RIPOR2: variants seen among roughly 807,000 people sequenced by gnomAD.
RIPOR2 encodes RHO family interacting cell polarization regulator 2, also known as rho family-interacting cell polarization regulator 2.
RIPOR2 carries 39 observed loss-of-function variants against 114.5 expected under a neutral mutation model. That is an observed-to-expected ratio of 0.34 (90% confidence interval 0.26 to 0.44). The LOEUF is 0.44. RIPOR2 is among the 20% of genes least tolerant of loss of function. RIPOR2 has a pLI of 1.00. For synonymous variants in RIPOR2, 445 were observed against 484.4 expected, an observed-to-expected ratio of 0.92 and a Z score of 1.07; for missense variants, 1,007 against 1,255.1, an observed-to-expected ratio of 0.80 and a Z score of 2.99.
intron 1 of RIPOR2, among the ~76,000 whole-genome samples, chr6:24,967,249 T>C (rs1773567669): frequency 6.6e-6 from 1 of 152,244 alleles, no homozygotes; most frequent in African/African-American, 2.4e-5. Flanking sequence ...GAGCTCATTT[T>C]CACAGGACTC....
intron 6 of RIPOR2, among the ~76,000 whole-genome samples, chr6:24,866,817 A>G (rs59598828): frequency 0.036 from 5,412 of 152,254 alleles, 251 homozygotes; most frequent in African/African-American, 0.11. Context: ...GGGGAGGCAT[A>G]CTTACCTAGC....
intron 1 of RIPOR2, among the ~76,000 whole-genome samples, chr6:24,971,914 T>C (rs1401322467): frequency 3.9e-5 from 6 of 152,306 alleles, no homozygotes; most frequent in Middle Eastern, 3.4e-3. Flanking sequence ...AGGAGAGTAA[T>C]TGTACCTACT....
chr6:24,982,990 T>C (rs1264570621), intron 1 of RIPOR2, among the ~76,000 whole-genome samples: 1 of 152,186 alleles, frequency 6.6e-6, no homozygotes, highest in East Asian at 1.9e-4. Context: ...TAGGTTATTT[T>C]AATGTGAATT....
rs1195593933 is a variant in RIPOR2 at position 24,839,082 on chromosome 6, C to T, written c.2039+9G>A. 1 of 1,549,086 alleles carries T rather than the reference C, an allele frequency of 6.5e-7. No individual in the cohort carries two copies. Among genetic ancestry groups the T allele is most frequent in the Non-Finnish European group, 8.7e-7 (1 of 1,144,966 alleles). On this transcript the variant is annotated intron_variant, in intron 14 of 21. Transcript: ENST00000643898. ...GAGAAATATAAGGAGACACTAACTTCAGACTTACCTGTGTTTCTCAGTCTC... is the reference window on the plus strand; with the variant it reads ...GAGAAATATAAGGAGACACTAACTTTAGACTTACCTGTGTTTCTCAGTCTC...
intron 1 of RIPOR2, among the ~76,000 whole-genome samples, chr6:25,027,066 A>G (rs1298237746): frequency 6.6e-6 from 1 of 152,254 alleles, no homozygotes; most frequent in Non-Finnish European, 1.5e-5. Flanking sequence ...TCCTATAAGT[A>G]GCTGTTCCAA....
intron 1 of RIPOR2, chr6:24,976,704 T>G (rs1398893207): frequency 5.3e-5 from 85 of 1,608,822 alleles, no homozygotes; most frequent in Non-Finnish European, 6.6e-5. Flanking sequence ...ATAATGGCAC[T>G]GGTGGCAAGT....
rs769976434 is a variant in RIPOR2 at position 24,843,264 on chromosome 6, C to T, written c.1455G>A (p.Glu485=). 6.2e-7 allele frequency: 1 copy of T among 1,614,016 alleles called. No individual in the cohort carries two copies. The highest frequency in any genetic ancestry group is 8.5e-7 in the Non-Finnish European group (1 of 1,179,888). ...PKSHLKEEDP[E]EPRKPASAPS... is the part of the protein sequence containing the mutation. ...GGGCCGAGGCAGGTTTTCTGGGCTC[C>T]TCTGGGTCTTCCTCCTTCAGGTGTG... The change falls in exon 13 of 22, where the codon GAG becomes GAA. Residue 485 remains glutamate (E), a synonymous_variant. Transcript: ENST00000643898.
chr6:24,971,716 A>G (rs1161170214), intron 1 of RIPOR2, among the ~76,000 whole-genome samples: 1 of 152,242 alleles, frequency 6.6e-6, no homozygotes, highest in Non-Finnish European at 1.5e-5. Flanking sequence ...AGCTAGATGG[A>G]ACCATGAAGG....
chr6:24,919,891 T>C (rs1192977094), intron 1 of RIPOR2, among the ~76,000 whole-genome samples: 1 of 152,196 alleles, frequency 6.6e-6, no homozygotes, highest in African/African-American at 2.4e-5. Context: ...GTAGATACTA[T>C]TCGACTCAAG....
rs117805858 is a variant in RIPOR2 at position 25,000,275 on chromosome 6, G to A, written c.76+41576C>T. On this transcript the variant is annotated intron_variant, in intron 1 of 13. Coordinates refer to the RIPOR2 transcript ENST00000510784. The stretch of plus-strand genomic sequence containing the variant: ...GTCAGGAAGTTTGGGCATCCTTCAT[G>A]TTAGCTCTGTAGCACTCCATGCTGA... Among the ~76,000 whole-genome samples the A allele has an allele frequency of 1.3e-3, 202 of 152,256 alleles. 3 individuals are homozygous for A. The East Asian group carries it at 0.034, about 25-fold the overall frequency.
At chr6:25,006,339 G>T (rs1775562021) in intron 1 of RIPOR2, among the ~76,000 whole-genome samples, 2 of 152,274 alleles carry the variant, frequency 1.3e-5, no homozygotes, top group African/African-American at 4.8e-5. Context: ...ACAAAAAATG[G>T]CATGGCCTCT....
intron 1 of RIPOR2, among the ~76,000 whole-genome samples, chr6:24,983,059 T>C (rs527340637): frequency 1.4e-4 from 22 of 152,296 alleles, no homozygotes; most frequent in African/African-American, 4.8e-4. Context: ...TGCTTGTAAC[T>C]GCTGCTAATT....
intron 1 of RIPOR2, among the ~76,000 whole-genome samples, chr6:24,974,086 G>A (rs1488302092): frequency 2.6e-5 from 4 of 152,108 alleles, no homozygotes; most frequent in South Asian, 4.2e-4. Context: ...ACATGTGCTC[G>A]TTGAGTCTAA....
intron 13 of RIPOR2, chr6:24,840,176 C>G: frequency 1.1e-6 from 1 of 940,434 alleles, no homozygotes; most frequent in Non-Finnish European, 1.3e-6. Flanking sequence ...GTCTTGAACT[C>G]TTGGGCTCCA....
intron 1 of RIPOR2, among the ~76,000 whole-genome samples, chr6:25,004,995 ACACACACACACAC>A (rs1775489849): frequency 1.8e-4 from 1 of 5,582 alleles, no homozygotes; most frequent in Admixed American, 4.6e-3. Context: ...CTACACACAC[ACACACACACACAC>A]ACACACACAC....
intron 1 of RIPOR2, among the ~76,000 whole-genome samples, chr6:24,926,677 A>G (rs188384102): frequency 1.8e-4 from 28 of 152,316 alleles, no homozygotes; most frequent in Admixed American, 1.7e-3. Context: ...CAGGAATAGA[A>G]GAGGGGAATT....
intron 1 of RIPOR2, among the ~76,000 whole-genome samples, chr6:25,000,100 G>A (rs891590620): frequency 6.6e-6 from 1 of 152,134 alleles, no homozygotes; most frequent in Non-Finnish European, 1.5e-5. Context: ...CCAATACCAT[G>A]GTCTCTCTCA....
intron 1 of RIPOR2, among the ~76,000 whole-genome samples, chr6:24,955,925 C>T (rs556069010): frequency 6.6e-6 from 1 of 150,808 alleles, no homozygotes; most frequent in Admixed American, 6.6e-5. Context: ...AGGAGAATTG[C>T]TTGAACCTGG....
chr6:24,849,648 A>T (rs1277505174), intron 11 of RIPOR2, among the ~76,000 whole-genome samples, 154 bp downstream of exon 11: 1 of 152,124 alleles, frequency 6.6e-6, no homozygotes, highest in African/African-American at 2.4e-5. Flanking sequence ...CTGGGGCCTG[A>T]GCAATTCTGA....
Sources: allele counts gnomAD v4.1 joint callset (sites outside exome capture counted in the v4.1 genomes callset), GRCh38; gene constraint gnomAD v4.1.1; transcripts MANE v1.5; gene names NCBI Gene and HGNC (gene_info 2026-07-23, HGNC 2026-07-21).